The following DNAH3 variants were observed in gnomAD, a reference collection of about 807,000 sequenced individuals.
DNAH3 encodes dynein axonemal heavy chain 3.
Under a neutral mutation model 432.5 loss-of-function variants are expected in DNAH3, and 332 were observed. The observed-to-expected ratio is 0.77, with a 90% CI of 0.70 to 0.84. DNAH3 has a LOEUF of 0.84. Ranked by LOEUF, DNAH3 falls within the 40% of genes least tolerant of loss-of-function variation. The probability of loss-of-function intolerance (pLI) is 0.00; values close to 1 mark genes in which losing one functional copy is unlikely to be tolerated. For synonymous variants in DNAH3, 1,956 were observed against 1,900.2 expected, an observed-to-expected ratio of 1.03 and a Z score of -0.76; for missense variants, 4,861 against 5,114.0, an observed-to-expected ratio of 0.95 and a Z score of 1.51.
chr16:21,085,088 A>G lies in DNAH3; in HGVS notation c.2877+1761T>C, dbSNP rs190931476. Among the ~76,000 whole-genome samples, 349 of 151,980 alleles carry G rather than the reference A, an allele frequency of 2.3e-3. 2 individuals are homozygous for G. Among genetic ancestry groups the G allele is most frequent in the African/African-American group, 8.2e-3 (341 of 41,452 alleles). ...CCCTCTGCTGGGGCGTTTCAAAACC[A>G]GAAGTCATGGCCAGGCACTGTGGCT... On this transcript the variant is annotated intron_variant, in intron 19 of 61. Transcript: ENST00000261383.
exon 15 of DNAH3, chr16:21,106,553 T>G: frequency 6.2e-7 from 1 of 1,612,142 alleles, no homozygotes; most frequent in Non-Finnish European, 8.5e-7. Context: ...AGTTGCCTCC[T>G]GAGTTTGAAC....
At chr16:21,005,791 C>CT (rs771885719) in intron 41 of DNAH3, among the ~76,000 whole-genome samples, 1 of 149,670 alleles carries the variant, frequency 6.7e-6, no homozygotes, top group Non-Finnish European at 1.5e-5. Flanking sequence ...GAGTAATAGT[C>CT]TATGTCATAT....
intron 20 of DNAH3, among the ~76,000 whole-genome samples, chr16:21,076,243 C>A (rs2090971097): frequency 6.6e-6 from 1 of 151,976 alleles, no homozygotes; most frequent in South Asian, 2.1e-4. Flanking sequence ...TAATTGGTGA[C>A]CTTATAAGAA....
exon 62 of DNAH3, chr16:20,933,333 T>A: frequency 6.2e-7 from 1 of 1,614,102 alleles, no homozygotes; most frequent in Non-Finnish European, 8.5e-7. Context: ...TGCAGAAACA[T>A]TGCGCTCTCC....
At chr16:20,985,532 T>C (rs890416749) in exon 48 of DNAH3, 1 of 1,614,152 alleles carries the variant, frequency 6.2e-7, no homozygotes, top group Non-Finnish European at 8.5e-7. Context: ...ACCAGGGACA[T>C]GGGGGCCTTG....
intron 19 of DNAH3, among the ~76,000 whole-genome samples, chr16:21,082,037 C>A (rs2152774433): frequency 2.0e-5 from 3 of 152,202 alleles, no homozygotes; most frequent in Middle Eastern, 6.8e-3. Context: ...GTAGCTGGGG[C>A]CACAGGCACA....
chr16:20,954,633 ATTAG>A (rs2084476381), intron 55 of DNAH3, among the ~76,000 whole-genome samples, 176 bp downstream of exon 55: 1 of 152,144 alleles, frequency 6.6e-6, no homozygotes, highest in African/African-American at 2.4e-5. Flanking sequence ...AGAGTTTAAT[ATTAG>A]TTAAATAATA....
intron 19 of DNAH3, 61 bp downstream of exon 19, chr16:21,086,788 A>G (rs940851836): frequency 6.8e-7 from 1 of 1,462,416 alleles, no homozygotes; most frequent in African/African-American, 1.4e-5. Flanking sequence ...TGCCTTCCCA[A>G]GGACAGTCAG....
intron 58 of DNAH3, 66 bp from the exon 59 acceptor site, chr16:20,941,609 C>T: frequency 1.3e-6 from 2 of 1,569,428 alleles, no homozygotes; most frequent in African/African-American, 1.4e-5. Context: ...TTTGGATAAA[C>T]TTTAAGTACT....
intron 58 of DNAH3, 78 bp downstream of exon 58, chr16:20,944,418 C>T: frequency 6.5e-7 from 1 of 1,536,972 alleles, no homozygotes; most frequent in Non-Finnish European, 8.9e-7. Flanking sequence ...CTCTTGGTCA[C>T]CCTCCAATCC....
At chr16:20,958,934 A>G (rs563177478) in intron 54 of DNAH3, among the ~76,000 whole-genome samples, 81 of 152,098 alleles carry the variant, frequency 5.3e-4, no homozygotes, top group Non-Finnish European at 9.7e-4. Flanking sequence ...TGCCTGGCTA[A>G]TTTTTGTATT....
At chr16:21,101,470 T>C (rs1309205147) in intron 16 of DNAH3, among the ~76,000 whole-genome samples, 6 of 152,122 alleles carry the variant, frequency 3.9e-5, no homozygotes, top group Non-Finnish European at 8.8e-5. Context: ...TAGCAAATAG[T>C]AGGCACTCAT....
At chr16:21,003,258 C>A in intron 41 of DNAH3, 51 bp from the exon 42 acceptor site, 1 of 1,266,324 alleles carries the variant, frequency 7.9e-7, no homozygotes, top group Non-Finnish European at 1.1e-6. Context: ...GCTTTACTTG[C>A]CTCCCATATT....
chr16:20,970,000 G>A lies in DNAH3; in HGVS notation c.8260-10C>T. ...CCCCCTCACATTCGTTCTGTGGGCG[G>A]CATGAGGACAAAGGAGATGAGTGCC... On this transcript the variant is annotated splice_polypyrimidine_tract_variant and intron_variant, in intron 51 of 61. Transcript: ENST00000261383. 2 of 1,613,274 alleles carry A rather than the reference G, an allele frequency of 1.2e-6. No individual in the cohort carries two copies. Among genetic ancestry groups the A allele is most frequent in the Middle Eastern group, 1.7e-4 (1 of 6,036 alleles).
intron 40 of DNAH3, among the ~76,000 whole-genome samples, chr16:21,020,223 G>A (rs1386111706): frequency 6.7e-6 from 1 of 149,272 alleles, no homozygotes; most frequent in East Asian, 1.9e-4. Context: ...GGTTTTGCCA[G>A]GTTGCCCAGG....
At chr16:21,125,397 G>A (rs369217460) in intron 8 of DNAH3, 27 bp from the exon 10 acceptor site, 4 of 1,543,934 alleles carry the variant, frequency 2.6e-6, no homozygotes, top group Non-Finnish European at 1.8e-6. Flanking sequence ...GTGTCCATGT[G>A]AGAAGCTCTT....
chr16:21,106,443 T>A, intron 15 of DNAH3, 47 bp downstream of exon 15: 1 of 1,391,304 alleles, frequency 7.2e-7, no homozygotes, highest in Non-Finnish European at 9.7e-7. Flanking sequence ...ATATAAAATA[T>A]ACATATAGGT....
chr16:21,132,593 G>A (rs1330206493), intron 7 of DNAH3, among the ~76,000 whole-genome samples: 11 of 152,194 alleles, frequency 7.2e-5, no homozygotes, highest in Admixed American at 6.6e-4. Flanking sequence ...ACAAGCTTCA[G>A]TGTGGATGAA....
exon 24 of DNAH3, chr16:21,067,311 A>G (rs1453814645): frequency 6.2e-7 from 1 of 1,614,014 alleles, no homozygotes; most frequent in African/African-American, 1.3e-5. Context: ...TTCTTCTCCA[A>G]GTAATCATTC....
Sources: allele counts gnomAD v4.1 joint callset (sites outside exome capture counted in the v4.1 genomes callset), GRCh38; gene constraint gnomAD v4.1.1; transcripts MANE v1.5; gene names NCBI Gene and HGNC (gene_info 2026-07-23, HGNC 2026-07-21).